The following SGK3 variants were observed in gnomAD, a reference collection of about 807,000 sequenced individuals.
The protein encoded by SGK3 is serine/threonine-protein kinase Sgk3.
Under a neutral mutation model 68.5 loss-of-function variants are expected in SGK3, and 47 were observed. The ratio of observed to expected loss-of-function variants is 0.69; its 90% CI spans 0.54 to 0.87. The LOEUF (loss-of-function observed/expected upper bound fraction) is 0.87, where lower values mean the gene tolerates loss of function less well. SGK3 is among the 40% of genes least tolerant of loss of function. The pLI is 0.00. For missense variants in SGK3, 479 were observed against 575.5 expected (o/e 0.83, Z 1.72); for synonymous variants, 181 against 189.1 (o/e 0.96, Z 0.35).
chr8:66,741,007 G>A (rs1805463688), intron 1 of SGK3, among the ~76,000 whole-genome samples: 2 of 150,146 alleles, frequency 1.3e-5, no homozygotes, highest in South Asian at 4.2e-4. Context: ...TCTTCTTAAA[G>A]CCCTGTTTTA....
At chr8:66,723,102 TA>T (rs1804850790) in intron 1 of SGK3, among the ~76,000 whole-genome samples, 1 of 30,498 alleles carries the variant, frequency 3.3e-5, no homozygotes, top group East Asian at 8.5e-4. Context: ...TATATATATA[TA>T]TATATATATA....
intron 2 of SGK3, among the ~76,000 whole-genome samples, chr8:66,796,907 TGAAATCTAAGGATTTCACAG>T (rs555693265): frequency 4.6e-5 from 7 of 151,114 alleles, no homozygotes; most frequent in South Asian, 2.1e-4. Context: ...CTGTTTCCTG[TGAAATCTAAGGATTTCACAG>T]GAAATCTAAT....
intron 6 of SGK3, among the ~76,000 whole-genome samples, chr8:66,823,009 GTAAAAAGAAAAGTAT>G (rs1585770491): frequency 6.6e-6 from 1 of 151,630 alleles, no homozygotes; most frequent in East Asian, 1.9e-4. Flanking sequence ...TTGAAAATAG[GTAAAAAGAAAAGTAT>G]TATCCATATT....
intron 15 of SGK3, among the ~76,000 whole-genome samples, chr8:66,848,310 C>T (rs1810120815): frequency 6.6e-6 from 1 of 152,150 alleles, no homozygotes; most frequent in Non-Finnish European, 1.5e-5. Context: ...ACAAACTGGG[C>T]ATATTGGAAG....
intron 15 of SGK3, among the ~76,000 whole-genome samples, chr8:66,849,043 TC>T (rs1189923774): frequency 1.3e-5 from 2 of 152,212 alleles, no homozygotes; most frequent in African/African-American, 4.8e-5. Context: ...CTCCATTATT[TC>T]CTGTGTAAGC....
chr8:66,830,728 TA>T (rs1330762126), intron 7 of SGK3, among the ~76,000 whole-genome samples: 1 of 152,246 alleles, frequency 6.6e-6, no homozygotes, highest in Admixed American at 6.5e-5. Context: ...TAATGTACAA[TA>T]AGTGGTTTAT....
chr8:66,796,844 G>A (rs926935153), intron 2 of SGK3, among the ~76,000 whole-genome samples: 1 of 151,724 alleles, frequency 6.6e-6, no homozygotes, highest in Non-Finnish European at 1.5e-5. Flanking sequence ...GGACAAGACA[G>A]ACAATAAGGA....
intron 1 of SGK3, among the ~76,000 whole-genome samples, chr8:66,731,351 C>T (rs931957053): frequency 6.6e-5 from 10 of 152,022 alleles, no homozygotes; most frequent in Non-Finnish European, 1.2e-4. Flanking sequence ...TCTAGTTATT[C>T]TCCTAAATAC....
intron 1 of SGK3, among the ~76,000 whole-genome samples, chr8:66,759,166 A>G (rs1270922165): frequency 1.4e-5 from 2 of 147,930 alleles, no homozygotes; most frequent in African/African-American, 5.0e-5. Flanking sequence ...GCTCACTGCA[A>G]CCTCCGCCTC....
Position 66,836,038 on chromosome 8 carries a change from GC to G in SGK3, c.706del (p.Leu236PhefsTer47), listed in dbSNP as rs1291990420. On this transcript the variant is annotated frameshift_variant, in exon 10 of 17. Coordinates refer to ENST00000521198, the MANE Select transcript of SGK3 (RefSeq NM_001033578.3). LOFTEE classifies it high-confidence loss of function. The stretch of plus-strand genomic sequence containing the variant: ...ATTATTCCTTCCAAACAACTGAAAA[GC>G]TTTATTTTGTTCTGGATTTTGTTAA... The part of the protein sequence containing the change: ...LHYSFQTTEK[L>X]YFVLDFVNGG... 1.2e-6 allele frequency: 2 copies of G among 1,613,408 alleles called. No individual in the cohort carries two copies. The highest frequency in any genetic ancestry group is 1.7e-6 in the Non-Finnish European group (2 of 1,179,780).
chr8:66,859,453 G>T lies in SGK3; in HGVS notation c.1363G>T (p.Glu455Ter). 1 of 1,611,412 alleles carries T rather than the reference G, an allele frequency of 6.2e-7. No individual in the cohort carries two copies. Among genetic ancestry groups the T allele is most frequent in the Middle Eastern group, 1.7e-4 (1 of 6,040 alleles). ...DIRNFDTAFT[E>*]ETVPYSVCVS... ...CAGAAACTTTGACACAGCATTTACA[G>T]AAGAAACAGTTCCATATTCTGTGTG... The change falls in exon 17 of 17, where the codon GAA (glutamate) becomes TAA (stop). Residue 455 changes from glutamate to a stop codon, truncating the protein, a stop_gained. Coordinates refer to ENST00000521198, the MANE Select transcript of SGK3 (RefSeq NM_001033578.3). LOFTEE classifies it high-confidence loss of function.
rs557447116 is a variant in SGK3, at chr8:66,847,478, T to C, written c.1230+130T>C. 780 of 1,376,108 alleles carry C rather than the reference T, an allele frequency of 5.7e-4. 11 individuals carry two copies. The South Asian group carries it at 9.5e-3, about 17-fold the overall frequency. 85.2% of individuals were successfully genotyped at this position (1,376,108 alleles called of 1,614,324 possible). On this transcript the variant is annotated intron_variant, in intron 15 of 16. Transcript: ENST00000521198. ...AGAATAGCAACATGGAAAAAAAGCA[T>C]ACTTGTCTCCACAGTTTTCACCTGT... is the stretch of plus-strand genomic sequence containing the variant.
At position 66,850,840 on chromosome 8, in the gene SGK3, C is replaced by T; in HGVS notation, c.1240C>T (p.Gln414Ter). The change falls in exon 16 of 17, where the codon CAG becomes TAG. Residue 414 changes from glutamine (Q) to a stop codon, truncating the protein, a stop_gained. Coordinates refer to ENST00000521198, the MANE Select transcript of SGK3 (RefSeq NM_001033578.3). LOFTEE classifies it high-confidence loss of function. ...LGAKEDFLEIQNHPFFESLSW... is the reference protein window; with the variant it reads ...LGAKEDFLEI ...TTTTTTAATATTCCAGCTTGAAATT[C>T]AGAATCATCCTTTTTTTGAATCACT... The T allele has an allele frequency of 3.1e-6, 5 of 1,604,294 alleles. No homozygotes were observed. Among genetic ancestry groups the T allele is most frequent in the African/African-American group, 1.3e-5 (1 of 74,784 alleles).
intron 1 of SGK3, among the ~76,000 whole-genome samples, chr8:66,723,131 A>ATATTTTTTT (rs1554591219): frequency 1.4e-4 from 4 of 29,488 alleles, no homozygotes; most frequent in African/African-American, 2.4e-4. Context: ...ATATATATAT[A>ATATTTTTTT]TTTTTTTTTT....
intron 16 of SGK3, among the ~76,000 whole-genome samples, chr8:66,857,535 A>G (rs1485543804): frequency 6.6e-6 from 1 of 152,064 alleles, no homozygotes; most frequent in Non-Finnish European, 1.5e-5. Flanking sequence ...TAATCTCAAC[A>G]CTTTGGGAGG....
At position 66,854,370 on chromosome 8, in the gene SGK3, A is replaced by G. The variant is rs550928842; in HGVS notation, c.1320+3450A>G. Among the ~76,000 whole-genome samples the G allele has an allele frequency of 2.0e-5, 3 of 152,286 alleles. No homozygotes were observed. In the East Asian group the frequency reaches 5.8e-4, roughly 29 times the overall value. ...CCCCCCAAATAATCCTTAAAGTAAA[A>G]GTATAGCATAGAAAATAATCCCTAA... On this transcript the variant is annotated intron_variant, in intron 16 of 16. Coordinates refer to ENST00000521198, the MANE Select transcript of SGK3 (RefSeq NM_001033578.3).
chr8:66,728,435 T>A (rs1417259329), intron 1 of SGK3, among the ~76,000 whole-genome samples: 1 of 151,994 alleles, frequency 6.6e-6, no homozygotes, highest in African/African-American at 2.4e-5. Context: ...CAAGCATTTC[T>A]CCTGCCTCAG....
chr8:66,828,114 A>G (rs1809139863), intron 6 of SGK3, among the ~76,000 whole-genome samples: 1 of 150,650 alleles, frequency 6.6e-6, no homozygotes, highest in African/African-American at 2.4e-5. Context: ...ACAGAGGGAG[A>G]CTCCGTCTCA....
At chr8:66,748,622 C>G (rs1359376523) in intron 1 of SGK3, among the ~76,000 whole-genome samples, 1 of 152,180 alleles carries the variant, frequency 6.6e-6, no homozygotes, top group Non-Finnish European at 1.5e-5. Context: ...GAGGAACCCA[C>G]AGGACCAGGC....
Sources: allele counts gnomAD v4.1 joint callset (sites outside exome capture counted in the v4.1 genomes callset), GRCh38; gene constraint gnomAD v4.1.1; transcripts MANE v1.5; gene names NCBI Gene and HGNC (gene_info 2026-07-23, HGNC 2026-07-21).